OSBPL1A: variants seen among roughly 807,000 people sequenced by gnomAD.
The protein encoded by OSBPL1A is oxysterol-binding protein-related protein 1.
Under a neutral mutation model 137.1 loss-of-function variants are expected in OSBPL1A, and 80 were observed. The observed-to-expected ratio is 0.58, with a 90% CI of 0.49 to 0.70. OSBPL1A has a LOEUF of 0.70. Among genes scored for constraint, OSBPL1A ranks in the 30% least tolerant of loss-of-function variants. The probability of loss-of-function intolerance (pLI) is 0.00; values close to 1 mark genes in which losing one functional copy is unlikely to be tolerated. For synonymous variants in OSBPL1A, 365 were observed against 389.7 expected, an observed-to-expected ratio of 0.94 and a Z score of 0.75; for missense variants, 970 against 1,129.4, an observed-to-expected ratio of 0.86 and a Z score of 2.02.
chr18:24,327,111 CTTTTTTTT>C (rs68045251), intron 7 of OSBPL1A, among the ~76,000 whole-genome samples: 1 of 137,010 alleles, frequency 7.3e-6, no homozygotes, highest in Admixed American at 7.6e-5. Context: ...TTTCTTTTTT[CTTTTTTTT>C]TTTTTTGAAA....
intron 15 of OSBPL1A, among the ~76,000 whole-genome samples, chr18:24,244,874 A>G (rs549966556): frequency 6.6e-6 from 1 of 152,338 alleles, no homozygotes; most frequent in East Asian, 1.9e-4. Context: ...GAGTAATTCA[A>G]TCTGGCAAAG....
At chr18:24,395,849 T>C (rs1259102699) in intron 1 of OSBPL1A, among the ~76,000 whole-genome samples, 3 of 150,580 alleles carry the variant, frequency 2.0e-5, no homozygotes, top group Non-Finnish European at 4.5e-5. Flanking sequence ...CTCGAACTCC[T>C]GACCTCAAGT....
chr18:24,210,799 G>A (rs186817826), intron 17 of OSBPL1A, among the ~76,000 whole-genome samples: 85 of 152,232 alleles, frequency 5.6e-4, no homozygotes, highest in African/African-American at 2.0e-3. Context: ...GCCTCCCAAA[G>A]TGCTGAGATT....
intron 18 of OSBPL1A, among the ~76,000 whole-genome samples, chr18:24,191,040 A>G (rs147540394): frequency 7.9e-4 from 121 of 152,370 alleles, no homozygotes; most frequent in African/African-American, 2.9e-3. Context: ...AATTATTCCA[A>G]TTTTCTCAAC....
At chr18:24,214,639 T>C (rs111747555) in intron 17 of OSBPL1A, among the ~76,000 whole-genome samples, 59 of 152,360 alleles carry the variant, frequency 3.9e-4, no homozygotes, top group African/African-American at 9.9e-4. Flanking sequence ...GTTTGAACTC[T>C]TGATAAAAAT....
chr18:24,194,153 C>A (rs564460882), intron 18 of OSBPL1A, among the ~76,000 whole-genome samples: 1 of 152,166 alleles, frequency 6.6e-6, no homozygotes, highest in Non-Finnish European at 1.5e-5. Flanking sequence ...ACTGTATATT[C>A]TAAAGTGGCC....
At position 24,358,359 on chromosome 18, in the gene OSBPL1A, A is replaced by G. The variant is rs2091570491; in HGVS notation, c.282+8533T>C. ...TCCTCTGCAAAGCTTCGCACACAGC[A>G]GAAAGGCTGAGGCATCGCTTGAGCC... is the stretch of plus-strand genomic sequence containing the variant. On this transcript the variant is annotated intron_variant, in intron 4 of 27. Coordinates refer to ENST00000319481, the MANE Select transcript of OSBPL1A (RefSeq NM_080597.4). 4 of 656,712 alleles carry G rather than the reference A, an allele frequency of 6.1e-6. No individual in the cohort carries two copies. In the South Asian group the frequency reaches 6.9e-5, roughly 11 times the overall value. 40.7% of individuals were successfully genotyped at this position (656,712 alleles called of 1,614,324 possible). A position where few individuals can be genotyped will look rare whatever the true frequency, so the allele number is the denominator to read the frequency against.
chr18:24,170,549 C>T, intron 23 of OSBPL1A, 96 bp from the exon 24 acceptor site: 2 of 1,395,380 alleles, frequency 1.4e-6, no homozygotes, highest in Non-Finnish European at 2.0e-6. Context: ...CATCCGAGTA[C>T]TAACCAGGCC....
chr18:24,285,800 A>G (rs931662341), intron 14 of OSBPL1A, among the ~76,000 whole-genome samples: 1 of 152,212 alleles, frequency 6.6e-6, no homozygotes, highest in Admixed American at 6.5e-5. Context: ...AAAAAATGCA[A>G]TACATAATGA....
At chr18:24,312,596 T>C (rs887948046) in intron 12 of OSBPL1A, among the ~76,000 whole-genome samples, 6 of 152,188 alleles carry the variant, frequency 3.9e-5, no homozygotes, top group African/African-American at 1.4e-4. Context: ...ATTTTTTAAA[T>C]AACAGTGATT....
At chr18:24,259,077 C>T (rs1476365400) in intron 15 of OSBPL1A, among the ~76,000 whole-genome samples, 6 of 151,756 alleles carry the variant, frequency 4.0e-5, no homozygotes, top group Non-Finnish European at 7.4e-5. Context: ...AGTGGGACTA[C>T]GCCCAGCTAA....
intron 20 of OSBPL1A, among the ~76,000 whole-genome samples, chr18:24,178,434 G>C (rs1274481325): frequency 1.3e-5 from 2 of 151,342 alleles, no homozygotes; most frequent in Non-Finnish European, 2.9e-5. Context: ...TGGGATTACA[G>C]GCATGCACCA....
At chr18:24,382,698 A>C (rs1906685284) in intron 1 of OSBPL1A, among the ~76,000 whole-genome samples, 1 of 151,746 alleles carries the variant, frequency 6.6e-6, no homozygotes, top group South Asian at 2.1e-4. Flanking sequence ...CAACATGGTA[A>C]AACCCCATCT....
chr18:24,197,612 G>A (rs903746189), intron 17 of OSBPL1A, among the ~76,000 whole-genome samples: 1 of 152,008 alleles, frequency 6.6e-6, no homozygotes, highest in Non-Finnish European at 1.5e-5. Flanking sequence ...TGGATAAGTG[G>A]CCACAGATGG....
chr18:24,189,767 C>T (rs1027293221), intron 18 of OSBPL1A, among the ~76,000 whole-genome samples: 5 of 152,152 alleles, frequency 3.3e-5, no homozygotes, highest in African/African-American at 1.2e-4. Flanking sequence ...TAAGGTGTCC[C>T]GGGATAGCTG....
chr18:24,225,712 A>G (rs1222075817), intron 16 of OSBPL1A, among the ~76,000 whole-genome samples: 1 of 152,222 alleles, frequency 6.6e-6, no homozygotes, highest in East Asian at 1.9e-4. Flanking sequence ...CTGTAATCCC[A>G]GTACTATGGG....
intron 4 of OSBPL1A, among the ~76,000 whole-genome samples, chr18:24,347,091 C>A (rs1046409241): frequency 4.6e-5 from 7 of 152,094 alleles, no homozygotes; most frequent in Non-Finnish European, 8.8e-5. Context: ...TATGAATGTT[C>A]CCGTATTGAT....
At chr18:24,175,112 A>ATATATATATATATATG (rs2086401159) in intron 21 of OSBPL1A, among the ~76,000 whole-genome samples, 62 of 16,282 alleles carry the variant, frequency 3.8e-3, no homozygotes, top group African/African-American at 5.3e-3. Context: ...GTGTATGTAT[A>ATATATATATATATATG]TATATATATA....
intron 15 of OSBPL1A, among the ~76,000 whole-genome samples, chr18:24,277,730 T>G (rs940737477): frequency 3.9e-5 from 6 of 152,244 alleles, no homozygotes; most frequent in Non-Finnish European, 7.3e-5. Flanking sequence ...ATTACGCTGT[T>G]AAATTCCTAT....
Sources: allele counts gnomAD v4.1 joint callset (sites outside exome capture counted in the v4.1 genomes callset), GRCh38; gene constraint gnomAD v4.1.1; transcripts MANE v1.5; gene names NCBI Gene and HGNC (gene_info 2026-07-23, HGNC 2026-07-21).